The following FER variants were observed in gnomAD, a reference collection of about 807,000 sequenced individuals.
FER encodes FER tyrosine kinase, also known as tyrosine-protein kinase Fer.
Under a neutral mutation model 111.0 loss-of-function variants are expected in FER, and 63 were observed. The observed-to-expected ratio is 0.57, with a 90% CI of 0.46 to 0.70. FER has a LOEUF of 0.70. Ranked by LOEUF, FER falls within the 30% of genes least tolerant of loss-of-function variation. FER has a pLI of 0.00. For synonymous variants in FER, 327 were observed against 313.9 expected (o/e 1.04, Z -0.44); for missense variants, 914 against 954.0 (o/e 0.96, Z 0.55).
At chr5:108,843,306 G>A (rs1035140577) in intron 5 of FER, among the ~76,000 whole-genome samples, 1 of 152,080 alleles carries the variant, frequency 6.6e-6, no homozygotes, top group African/African-American at 2.4e-5. Flanking sequence ...AACAAAAAAA[G>A]AAATGAAAGA....
At chr5:109,100,588 T>G in intron 17 of FER, 69 bp downstream of exon 17, 2 of 1,446,666 alleles carry the variant, frequency 1.4e-6, no homozygotes, top group Non-Finnish European at 1.9e-6. Context: ...ATGTATTTGC[T>G]ACAATAGAAG....
intron 16 of FER, among the ~76,000 whole-genome samples, chr5:109,051,030 C>T (rs1772720419): frequency 6.6e-6 from 1 of 152,172 alleles, no homozygotes; most frequent in South Asian, 2.1e-4. Context: ...AAGCCCTAAT[C>T]TATGTATCAT....
intron 2 of FER, among the ~76,000 whole-genome samples, chr5:108,796,430 A>G (rs528728506): frequency 1.3e-5 from 2 of 152,332 alleles, no homozygotes; most frequent in South Asian, 2.1e-4. Context: ...CATGTGGTGA[A>G]GCCAGCGAAG....
chr5:108,776,937 T>C (rs1360719763), intron 2 of FER, among the ~76,000 whole-genome samples: 3 of 152,228 alleles, frequency 2.0e-5, no homozygotes, highest in Non-Finnish European at 4.4e-5. Flanking sequence ...GCATACACTT[T>C]TGTGTAATAT....
intron 17 of FER, among the ~76,000 whole-genome samples, chr5:109,119,373 A>G (rs1453708963): frequency 6.6e-6 from 1 of 152,132 alleles, no homozygotes; most frequent in African/African-American, 2.4e-5. Context: ...GGTCTGAGAG[A>G]CAGTTTGTTG....
At chr5:109,114,333 G>A (rs2126435254) in intron 17 of FER, among the ~76,000 whole-genome samples, 1 of 152,202 alleles carries the variant, frequency 6.6e-6, no homozygotes, top group African/African-American at 2.4e-5. Flanking sequence ...CCCTGCAGAT[G>A]TTTGAGTAGA....
intron 17 of FER, among the ~76,000 whole-genome samples, chr5:109,127,764 A>C (rs2126549598): frequency 6.6e-6 from 1 of 152,280 alleles, no homozygotes; most frequent in Non-Finnish European, 1.5e-5. Flanking sequence ...GGAGTCATTA[A>C]AAATGAAAAT....
chr5:109,053,970 C>T (rs1357816188), intron 16 of FER, among the ~76,000 whole-genome samples: 4 of 152,018 alleles, frequency 2.6e-5, no homozygotes, highest in African/African-American at 7.3e-5. Context: ...GGATTACAGA[C>T]GTGAGCCACT....
chr5:108,932,914 T>G (rs987140238), intron 10 of FER, among the ~76,000 whole-genome samples: 1 of 152,000 alleles, frequency 6.6e-6, no homozygotes, highest in Non-Finnish European at 1.5e-5. Flanking sequence ...TTTAAGTTCC[T>G]TGTAGATTCT....
chr5:108,933,321 G>T (rs1246633385), intron 10 of FER, among the ~76,000 whole-genome samples: 1 of 152,166 alleles, frequency 6.6e-6, no homozygotes. Context: ...TGGCTAGCCA[G>T]TTTTCCCAAC....
At chr5:109,168,850 A>C (rs10477439) in intron 17 of FER, among the ~76,000 whole-genome samples, 62,466 of 152,068 alleles carry the variant, frequency 0.41, 13,173 homozygotes, top group African/African-American at 0.47. Context: ...CTGTCACATT[A>C]TTCTTCCTGT....
intron 4 of FER, 96 bp downstream of exon 4, chr5:108,833,039 A>G (rs1760213639): frequency 9.4e-7 from 1 of 1,067,238 alleles, no homozygotes. Flanking sequence ...TTTATTCATC[A>G]TTTCCCAACA....
At position 108,871,419 on chromosome 5, in the gene FER, A is replaced by C. The variant is rs1164430204; in HGVS notation, c.720A>C (p.Ile240=). Residue 240 remains isoleucine (I), a synonymous_variant, in exon 7 of 20, where the codon ATA becomes ATC. Coordinates refer to ENST00000281092, the MANE Select transcript of FER (RefSeq NM_005246.4). Reference sequence around the variant, plus strand: ...TAACCAGTCTTGTCACAGAGGAAATAGTGAATGTCCATAAAGAGATTCAAA... The same window carrying C: ...TAACCAGTCTTGTCACAGAGGAAATCGTGAATGTCCATAAAGAGATTCAAA... ...SQITSLVTEE[I]VNVHKEIQMS... is the part of the protein sequence containing the mutation. The C allele has an allele frequency of 6.2e-7, 1 of 1,611,406 alleles. No homozygotes were observed. The highest frequency in any genetic ancestry group is 8.5e-7 in the Non-Finnish European group (1 of 1,178,002).
intron 10 of FER, among the ~76,000 whole-genome samples, chr5:108,904,353 A>G (rs866340347): frequency 2.0e-5 from 3 of 152,336 alleles, no homozygotes; most frequent in South Asian, 2.1e-4. Flanking sequence ...GGATTCCTTG[A>G]TAAAGTGCCA....
chr5:108,991,347 T>A (rs1763149245), intron 13 of FER, among the ~76,000 whole-genome samples: 3 of 152,036 alleles, frequency 2.0e-5, no homozygotes, highest in Admixed American at 1.3e-4. Context: ...ATAGGCATAT[T>A]TTATAATCTT....
At chr5:108,844,449 A>T (rs772939114) in intron 5 of FER, among the ~76,000 whole-genome samples, 7 of 152,204 alleles carry the variant, frequency 4.6e-5, no homozygotes, top group Non-Finnish European at 1.0e-4. Flanking sequence ...CATGTAGAAG[A>T]ATTGCCCTTA....
intron 16 of FER, among the ~76,000 whole-genome samples, chr5:109,052,735 A>T (rs1258028408): frequency 6.6e-6 from 1 of 152,242 alleles, no homozygotes; most frequent in Non-Finnish European, 1.5e-5. Flanking sequence ...TCAACTGTAC[A>T]TGATAGAACA....
intron 9 of FER, among the ~76,000 whole-genome samples, chr5:108,888,019 C>T (rs528040512): frequency 1.3e-5 from 2 of 151,920 alleles, no homozygotes; most frequent in East Asian, 3.9e-4. Flanking sequence ...ATGATAGAGC[C>T]ATGCAGAATC....
At position 108,867,830 on chromosome 5, in the gene FER, A is replaced by G; in HGVS notation, c.545A>G (p.His182Arg). Reference sequence around the variant, plus strand: ...GCCACAATGAAACTTCATATGTTGCACAATCAGTATGTATTGGCGTTGAAA... The same window carrying G: ...GCCACAATGAAACTTCATATGTTGCGCAATCAGTATGTATTGGCGTTGAAA... The part of the protein sequence containing the change: ...DKATMKLHML[H>R]NQYVLALKGA... Residue 182 changes from histidine to arginine, a missense_variant, in exon 6 of 20, where the codon CAC becomes CGC. Transcript: ENST00000281092. The G allele has an allele frequency of 6.2e-7, 1 of 1,613,240 alleles. No individual in the cohort carries two copies. The highest frequency in any genetic ancestry group is 8.5e-7 in the Non-Finnish European group (1 of 1,179,572).
Sources: gnomAD v4.1 joint callset for allele counts (sites outside exome capture counted in the v4.1 genomes callset) on GRCh38, gnomAD v4.1.1 for gene constraint, MANE v1.5 for transcripts, NCBI Gene and HGNC (gene_info 2026-07-23, HGNC 2026-07-21) for gene names.